PCDHA4: variants seen among roughly 807,000 people sequenced by gnomAD.
PCDHA4 encodes the protein protocadherin alpha 4.
In PCDHA4, 49 loss-of-function variants were observed where a neutral mutation model predicts 61.4. The ratio of observed to expected loss-of-function variants is 0.80; its 90% CI spans 0.63 to 1.01. The LOEUF is 1.01. Among genes scored for constraint, PCDHA4 ranks in the 50% least tolerant of loss-of-function variants. The probability of loss-of-function intolerance (pLI) is 0.00; values close to 1 mark genes in which losing one functional copy is unlikely to be tolerated. For synonymous variants in PCDHA4, 590 were observed against 550.3 expected, an observed-to-expected ratio of 1.07 and a Z score of -1.01; for missense variants, 1,254 against 1,235.8, an observed-to-expected ratio of 1.01 and a Z score of -0.22.
chr5:140,867,187 G>C (rs1219646479), intron 1 of PCDHA4: 1 of 152,072 alleles, frequency 6.6e-6, no homozygotes, highest in Non-Finnish European at 1.5e-5. Context: ...TACCTCGCAA[G>C]ACTCCACATT....
intron 1 of PCDHA4, chr5:140,857,428 G>C (rs782142394): frequency 1.9e-6 from 3 of 1,598,342 alleles, no homozygotes; most frequent in East Asian, 2.2e-5. Context: ...CCGAGTACAC[G>C]GTGTTCGTGA....
At chr5:140,994,789 G>A (rs901197365) in intron 3 of PCDHA4, among the ~76,000 whole-genome samples, 8 of 152,260 alleles carry the variant, frequency 5.3e-5, no homozygotes, top group South Asian at 4.1e-4. Flanking sequence ...GAAACAATGC[G>A]TGCATGCAAA....
At chr5:140,911,564 C>A (rs1036102678) in intron 1 of PCDHA4, among the ~76,000 whole-genome samples, 2 of 152,226 alleles carry the variant, frequency 1.3e-5, no homozygotes, top group African/African-American at 4.8e-5. Flanking sequence ...TCTTTCATCA[C>A]TTTGTCCAGT....
chr5:140,882,873 G>T, intron 1 of PCDHA4: 6 of 1,614,222 alleles, frequency 3.7e-6, no homozygotes, highest in Non-Finnish European at 5.1e-6. Flanking sequence ...ACACTGGACA[G>T]AGAGGAAATT....
chr5:140,963,907 A>C (rs1303006789), intron 1 of PCDHA4, among the ~76,000 whole-genome samples: 1 of 152,240 alleles, frequency 6.6e-6, no homozygotes, highest in Non-Finnish European at 1.5e-5. Flanking sequence ...AGTAAAGTGA[A>C]GCTTAGGCTA....
intron 1 of PCDHA4, chr5:140,881,269 G>T (rs1016077757): frequency 3.1e-6 from 2 of 648,656 alleles, no homozygotes; most frequent in Non-Finnish European, 1.9e-6. Context: ...CAGTGATGAT[G>T]AAGTAAGATG....
At chr5:140,893,141 C>A (rs1412974583) in intron 1 of PCDHA4, among the ~76,000 whole-genome samples, 1 of 152,192 alleles carries the variant, frequency 6.6e-6, no homozygotes, top group African/African-American at 2.4e-5. Flanking sequence ...TTTATCCACT[C>A]ATCTGTTGAT....
At position 140,978,971 on chromosome 5, in the gene PCDHA4, G is replaced by T. The variant is rs782774245; in HGVS notation, c.2408G>T (p.Trp803Leu). Residue 803 changes from tryptophan (W) to leucine (L), a missense_variant, in exon 2 of 4, where the codon TGG becomes TTG. Physicochemically the swap from Trp to Leu is moderately conservative, Grantham distance 61 (BLOSUM62 -2). Coordinates refer to ENST00000530339, the MANE Select transcript of PCDHA4 (RefSeq NM_018907.4). ...FAKPRQPNPD[W>L]RYSASLRAGM... is the part of the protein sequence containing the mutation. ...CAGCCACGACAGCCCAACCCTGACT[G>T]GCGTTACTCTGCCTCCCTGAGAGCA... The T allele has an allele frequency of 6.2e-7, 1 of 1,614,170 alleles. No individual in the cohort carries two copies. The highest frequency in any genetic ancestry group is 1.1e-5 in the South Asian group (1 of 91,076).
At chr5:141,005,701 CAAA>C (rs59860837) in intron 3 of PCDHA4, among the ~76,000 whole-genome samples, 30 of 7,778 alleles carry the variant, frequency 3.9e-3, no homozygotes, top group African/African-American at 0.012. Context: ...AACTCCGTCT[CAAA>C]AAAAAAAAAA....
chr5:140,807,291 T>G lies in PCDHA4; in HGVS notation c.104T>G (p.Val35Gly), dbSNP rs1470270680. ...GGGAACGGTCAGCTCCACTACTCGGTCTCCGAGGAGGCCAAACACGGCACC... is the reference window on the plus strand; with the variant it reads ...GGGAACGGTCAGCTCCACTACTCGGGCTCCGAGGAGGCCAAACACGGCACC... ...EAGNGQLHYSVSEEAKHGTFV... is the reference protein window; with the variant it reads ...EAGNGQLHYSGSEEAKHGTFV... Residue 35 changes from valine to glycine, a missense_variant, in exon 1 of 4, where the codon GTC becomes GGC. Physicochemically the swap from Val to Gly is moderately radical, Grantham distance 109. Transcript: ENST00000530339. 6.2e-7 allele frequency: 1 copy of G among 1,614,080 alleles called. No homozygotes were observed. The highest frequency in any genetic ancestry group is 1.7e-5 in the Admixed American group (1 of 59,998).
Position 140,833,676 on chromosome 5 carries a change from C to T in PCDHA4, c.2385+24104C>T, listed in dbSNP as rs2150210377. On this transcript the variant is annotated intron_variant, in intron 1 of 3. Coordinates refer to ENST00000530339, the MANE Select transcript of PCDHA4 (RefSeq NM_018907.4). ...AAATTCTTCCCCTTCAAAGATTCCC[C>T]AAACCTTCTCTTATTTTGTTTTCCC... Among the ~76,000 whole-genome samples, 6 of 152,216 alleles carry T rather than the reference C, an allele frequency of 3.9e-5. No homozygotes were observed. In the Middle Eastern group the frequency reaches 0.014, roughly 345 times the overall value.
In PCDHA4 at chr5:140,982,560, C is replaced by G. The variant is rs782437404; in HGVS notation, c.2530C>G (p.Pro844Ala). The G allele has an allele frequency of 5.6e-6, 9 of 1,614,098 alleles. No homozygotes were observed. Among genetic ancestry groups the G allele is most frequent in the South Asian group, 4.4e-5 (4 of 91,078 alleles). ...QQWPTVSSAT[P>A]EPEAGEVSPP... ...GTGGCCAACAGTATCCAGTGCAACA[C>G]CAGGTAAAGAGCTGGGGTCTCTCCA... Residue 844 changes from proline to alanine, a missense_variant, in exon 3 of 4, where the codon CCA (proline) becomes GCA (alanine). Physicochemically the swap from Pro to Ala is conservative, Grantham distance 27. Coordinates refer to ENST00000530339, the MANE Select transcript of PCDHA4 (RefSeq NM_018907.4).
chr5:140,910,577 C>T (rs1425639563), intron 1 of PCDHA4, among the ~76,000 whole-genome samples: 1 of 152,186 alleles, frequency 6.6e-6, no homozygotes, highest in Non-Finnish European at 1.5e-5. Flanking sequence ...TTTCTGGATC[C>T]TCCCAGCTGG....
rs192376340 is a variant in PCDHA4, at chr5:140,857,538, G to T, written c.2385+47966G>T. The T allele has an allele frequency of 6.9e-6, 11 of 1,597,348 alleles. No individual in the cohort carries two copies. In the East Asian group the frequency reaches 2.0e-4, roughly 29 times the overall value. On this transcript the variant is annotated intron_variant, in intron 1 of 3. Transcript: ENST00000530339. Reference sequence around the variant, plus strand: ...GTGTCCTACTCTCTGGTGGAGCGGCGGTTGGGCGAGCGCTCGCTGTCGAGC... The same window carrying T: ...GTGTCCTACTCTCTGGTGGAGCGGCTGTTGGGCGAGCGCTCGCTGTCGAGC...
At chr5:140,946,152 G>T (rs1279401608) in intron 1 of PCDHA4, among the ~76,000 whole-genome samples, 1 of 151,750 alleles carries the variant, frequency 6.6e-6, no homozygotes, top group Non-Finnish European at 1.5e-5. Flanking sequence ...CAAATAACAC[G>T]ATTTAAAAGA....
chr5:140,928,057 G>A, intron 1 of PCDHA4: 1 of 1,614,178 alleles, frequency 6.2e-7, no homozygotes. Context: ...TCAGCTGACG[G>A]CTTCCTTTGA....
chr5:140,856,672 G>A (rs1356609367), intron 1 of PCDHA4: 2 of 1,597,818 alleles, frequency 1.3e-6, no homozygotes, highest in East Asian at 4.5e-5. Flanking sequence ...CTCAGCTAAA[G>A]TTGTTGTTGA....
At chr5:140,978,528 C>T (rs903940636) in intron 1 of PCDHA4, among the ~76,000 whole-genome samples, 1 of 152,192 alleles carries the variant, frequency 6.6e-6, no homozygotes, top group Non-Finnish European at 1.5e-5. Flanking sequence ...GCCAGGCCAG[C>T]AGAACTTGTG....
intron 1 of PCDHA4, chr5:140,967,032 A>G (rs2096085772): frequency 6.2e-7 from 1 of 1,610,180 alleles, no homozygotes; most frequent in African/African-American, 1.3e-5. Context: ...AGTCCGCGCT[A>G]CCTGGAGCTG....
Sources: gnomAD v4.1 joint callset for allele counts (sites outside exome capture counted in the v4.1 genomes callset) on GRCh38, gnomAD v4.1.1 for gene constraint, MANE v1.5 for transcripts, NCBI Gene and HGNC (gene_info 2026-07-23, HGNC 2026-07-21) for gene names.